Variants in ARL10 observed in about 807,000 individuals in gnomAD.
The protein encoded by ARL10 is ADP-ribosylation factor-like protein 10.
A neutral mutation model predicts 26.1 loss-of-function variants in ARL10; 23 were observed. The ratio of observed to expected loss-of-function variants is 0.88; its 90% CI spans 0.63 to 1.25. The LOEUF is 1.25. ARL10 is among the 50% of genes most tolerant of loss of function. The pLI is 0.00. For missense variants in ARL10, 300 were observed against 323.6 expected, an observed-to-expected ratio of 0.93 and a Z score of 0.56; for synonymous variants, 138 against 149.1, an observed-to-expected ratio of 0.93 and a Z score of 0.54.
chr5:176,394,652 A>G (rs1369145284), intron 1 of ARL10, among the ~76,000 whole-genome samples: 1 of 42,938 alleles, frequency 2.3e-5, no homozygotes, highest in South Asian at 9.7e-4. Context: ...GTCTCTACTA[A>G]AAAATACACA....
At chr5:176,406,772 G>A, downstream of ARL10, 6 of 1,204,344 alleles carry the variant, frequency 5.0e-6, no homozygotes, top group Non-Finnish European at 6.4e-6. Flanking sequence ...AGTGTTGGGT[G>A]TGCACAGGCC....
downstream of ARL10, chr5:176,386,056 T>C (rs1755820948): frequency 6.5e-6 from 1 of 152,734 alleles, no homozygotes; most frequent in Non-Finnish European, 1.5e-5. Flanking sequence ...GTTTAATGGG[T>C]ATAGTTTCAG....
rs1768590242 is a variant in ARL10, at chr5:176,372,963, G to GAGACAAA, written c.*1068_*1069insAGACAAA. 2 of 398,466 alleles carry GAGACAAA rather than the reference G, an allele frequency of 5.0e-6. No individual in the cohort carries two copies. Among genetic ancestry groups the GAGACAAA allele is most frequent in the African/African-American group, 2.1e-5 (1 of 48,618 alleles). 24.7% of individuals were successfully genotyped at this position (398,466 alleles called of 1,614,324 possible). On this transcript the variant is annotated 3_prime_UTR_variant, in exon 4 of 4. Coordinates refer to ENST00000310389, the MANE Select transcript of ARL10 (RefSeq NM_173664.6). ...AGATGTCAGTGGAGACAAAGTTGTG[G>GAGACAAA]GTTCCTCCTCCCACCTGGCTTTGAG...
At position 176,365,533 on chromosome 5, in the gene ARL10, C is replaced by A; in HGVS notation, c.-31C>A. The A allele has an allele frequency of 8.2e-7, 1 of 1,221,338 alleles. No homozygotes were observed. Among genetic ancestry groups the A allele is most frequent in the African/African-American group, 1.6e-5 (1 of 63,916 alleles). 75.7% of individuals were successfully genotyped at this position (1,221,338 alleles called of 1,614,324 possible). ...GGCGGGCGAGTGGGCTCGGCCTGTG[C>A]AACCCGCACCTGCGTCCCTCGCCCG... On this transcript the variant is annotated 5_prime_UTR_variant, in exon 1 of 4. Coordinates refer to ENST00000310389, the MANE Select transcript of ARL10 (RefSeq NM_173664.6).
At chr5:176,397,154 G>C (rs1228745141) in intron 1 of ARL10, among the ~76,000 whole-genome samples, 2 of 151,976 alleles carry the variant, frequency 1.3e-5, no homozygotes, top group East Asian at 3.9e-4. Flanking sequence ...CATCTCCTCC[G>C]TGCCTACCCC....
chr5:176,410,217 C>T, the ARL10 span: 4 of 1,582,282 alleles, frequency 2.5e-6, no homozygotes, highest in South Asian at 1.1e-5. Flanking sequence ...GAGACCAGGG[C>T]TGTTGGTCCT....
rs1228677435 is a variant in ARL10 at position 176,380,636 on chromosome 5, G to C, written c.*8741G>C. 2.0e-5 allele frequency: 3 copies of C among 151,846 alleles called. No individual in the cohort carries two copies. The highest frequency in any genetic ancestry group is 7.3e-5 in the African/African-American group (3 of 41,314). The allele number at this position is 151,846 out of a possible 1,614,324, so 9.4% of individuals were successfully genotyped here. On this transcript the variant is annotated 3_prime_UTR_variant, in exon 4 of 4. Coordinates refer to ENST00000310389, the MANE Select transcript of ARL10 (RefSeq NM_173664.6). ...AGTAGCTGCGATCGATCACAGGTGT[G>C]CACCACCGCCCAGCTAATTTTTGTA... is the stretch of plus-strand genomic sequence containing the variant.
chr5:176,388,890 T>C, downstream of ARL10: 1 of 1,614,172 alleles, frequency 6.2e-7, no homozygotes, highest in East Asian at 2.2e-5. Flanking sequence ...ATTGAGGGGC[T>C]GAGCCCCACT....
At chr5:176,390,582 A>C (rs1756232922), downstream of ARL10, among the ~76,000 whole-genome samples, 1 of 152,200 alleles carries the variant, frequency 6.6e-6, no homozygotes, top group African/African-American at 2.4e-5. Flanking sequence ...GGTGTGTGCC[A>C]CCACGCCCGG....
chr5:176,386,883 C>T (rs1262921087), downstream of ARL10: 15 of 1,614,028 alleles, frequency 9.3e-6, no homozygotes, highest in Non-Finnish European at 1.3e-5. Flanking sequence ...TAGGCCTCTC[C>T]TCTATGTCCA....
In ARL10 at chr5:176,381,391, CT is replaced by C. The variant is rs1318016075; in HGVS notation, c.*9499del. On this transcript the variant is annotated 3_prime_UTR_variant, in exon 4 of 4. Transcript: ENST00000310389. ...GCTCCTGGAGGTTGCTGAAGTTATA[CT>C]TTGGATCCTACTTCTGACACCAGTT... 6.6e-6 allele frequency: 1 copy of C among 152,214 alleles called. No homozygotes were observed. The highest frequency in any genetic ancestry group is 2.4e-5 in the African/African-American group (1 of 41,450). The allele number at this position is 152,214 out of a possible 1,614,324, so 9.4% of individuals were successfully genotyped here.
chr5:176,371,340 G>A (rs1324762679), intron 3 of ARL10, among the ~76,000 whole-genome samples: 4 of 152,154 alleles, frequency 2.6e-5, no homozygotes, highest in East Asian at 1.9e-4. Flanking sequence ...CCAAGATCGT[G>A]CCACTGCACT....
chr5:176,409,667 G>A, the ARL10 span, among the ~76,000 whole-genome samples: 43 of 151,928 alleles, frequency 2.8e-4, no homozygotes, highest in Non-Finnish European at 5.9e-5. Context: ...ACCCACCTCA[G>A]CCTCCCAAAG....
chr5:176,400,511 C>T (rs887182957), intron 1 of ARL10, among the ~76,000 whole-genome samples: 2 of 152,300 alleles, frequency 1.3e-5, no homozygotes, highest in African/African-American at 2.4e-5. Context: ...GGACCCAAAG[C>T]GCTGAGCACC....
downstream of ARL10, chr5:176,389,423 A>G: frequency 6.2e-7 from 1 of 1,614,104 alleles, no homozygotes; most frequent in Non-Finnish European, 8.5e-7. Context: ...GCGCACCCGG[A>G]TCGCCGCCCA....
downstream of ARL10, chr5:176,389,722 TC>T: frequency 2.2e-6 from 1 of 459,448 alleles, no homozygotes; most frequent in Non-Finnish European, 3.8e-6. Flanking sequence ...TCCCCTCCAC[TC>T]CCCTGCTTAA....
At chr5:176,396,523 G>C (rs1180124873) in intron 1 of ARL10, 1 of 1,613,644 alleles carries the variant, frequency 6.2e-7, no homozygotes, top group Non-Finnish European at 8.5e-7. Flanking sequence ...AGAATGCTTT[G>C]TCAGCGATCC....
rs1182946215 is a variant in ARL10, at chr5:176,365,652, C to G, written c.89C>G (p.Thr30Ser). The change falls in exon 1 of 4, where the codon ACC becomes AGC. Residue 30 changes from threonine (T) to serine (S), a missense_variant. Physicochemically the swap from Thr to Ser is moderately conservative, Grantham distance 58. Transcript: ENST00000310389. ...TCGGTGCTCTTCATCCTCTGGAAGA[C>G]CTACTTCGGCCGCGGCCGAGAGCGG... ...LGSVLFILWK[T>S]YFGRGRERRW... 4.8e-6 allele frequency: 6 copies of G among 1,253,798 alleles called. 1 individual carries two copies. In the East Asian group the frequency reaches 1.6e-4, roughly 33 times the overall value. The allele number at this position is 1,253,798 out of a possible 1,614,324, so 77.7% of individuals were successfully genotyped here. A position where few individuals can be genotyped will look rare whatever the true frequency, so the allele number is the denominator to read the frequency against.
downstream of ARL10, among the ~76,000 whole-genome samples, chr5:176,403,747 C>G (rs1017792272): frequency 6.6e-6 from 1 of 150,886 alleles, no homozygotes; most frequent in East Asian, 2.0e-4. Flanking sequence ...CCACGGTGCC[C>G]GGCCTGTTTT....
Sources: allele counts gnomAD v4.1 joint callset (sites outside exome capture counted in the v4.1 genomes callset), GRCh38; gene constraint gnomAD v4.1.1; transcripts MANE v1.5; gene names NCBI Gene and HGNC (gene_info 2026-07-23, HGNC 2026-07-21).